Variants in SLIT3 observed in about 807,000 individuals in gnomAD.
SLIT3 encodes slit homolog 3 protein.
A neutral mutation model predicts 184.0 loss-of-function variants in SLIT3; 68 were observed. That is an observed-to-expected ratio of 0.37 (90% confidence interval 0.30 to 0.45). The LOEUF (loss-of-function observed/expected upper bound fraction) is 0.45. SLIT3 is among the 20% of genes least tolerant of loss of function. The pLI, the probability that SLIT3 is intolerant of heterozygous loss-of-function variation, is 1.00. For synonymous variants in SLIT3, 831 were observed against 828.6 expected (o/e 1.00, Z -0.05); for missense variants, 1,707 against 2,026.0 (o/e 0.84, Z 3.02).
rs554750646 is a variant in SLIT3, at chr5:168,664,590, C to A, written c.*1864G>T. On this transcript the variant is annotated 3_prime_UTR_variant, in exon 36 of 36. Transcript: ENST00000519560. ...TTCTTTCTCCCTTCATTATTCCCTG[C>A]GTCTTTGGCCCACCATTGGTACTCA... The A allele has an allele frequency of 1.3e-5, 2 of 152,136 alleles. No individual in the cohort carries two copies. The highest frequency in any genetic ancestry group is 1.5e-5 in the Non-Finnish European group (1 of 68,056). 9.4% of individuals were successfully genotyped at this position (152,136 alleles called of 1,614,324 possible). A position where few individuals can be genotyped will look rare whatever the true frequency, so the allele number is the denominator to read the frequency against.
chr5:168,872,377 A>T (rs1313232071), intron 5 of SLIT3, among the ~76,000 whole-genome samples: 1 of 152,110 alleles, frequency 6.6e-6, no homozygotes, highest in East Asian at 1.9e-4. Flanking sequence ...CAAACGGTGA[A>T]CTCTAATGTA....
intron 4 of SLIT3, among the ~76,000 whole-genome samples, chr5:169,120,951 A>G (rs1406232342): frequency 6.6e-6 from 1 of 152,118 alleles, no homozygotes; most frequent in Non-Finnish European, 1.5e-5. Flanking sequence ...TTCCTTGGTA[A>G]TTTATCATGA....
intron 4 of SLIT3, among the ~76,000 whole-genome samples, chr5:168,963,000 A>G (rs1296905582): frequency 2.0e-5 from 3 of 152,130 alleles, no homozygotes; most frequent in Non-Finnish European, 2.9e-5. Context: ...TGTTTCTTTT[A>G]TGGCAATGAT....
At chr5:169,183,352 G>T (rs1288442963) in intron 4 of SLIT3, among the ~76,000 whole-genome samples, 5 of 152,204 alleles carry the variant, frequency 3.3e-5, no homozygotes, top group Admixed American at 2.0e-4. Flanking sequence ...GTGCGAGGAG[G>T]TGAGCTTGTC....
chr5:169,229,126 T>C (rs1175073815), intron 3 of SLIT3, among the ~76,000 whole-genome samples: 2 of 152,030 alleles, frequency 1.3e-5, no homozygotes, highest in Admixed American at 1.3e-4. Flanking sequence ...CATAAGCATT[T>C]TGAGATTCAA....
At chr5:168,766,256 A>G (rs1165291345) in intron 14 of SLIT3, among the ~76,000 whole-genome samples, 3 of 152,210 alleles carry the variant, frequency 2.0e-5, no homozygotes, top group African/African-American at 7.2e-5. Flanking sequence ...CCCTATTCCC[A>G]ATATCCCTAA....
At chr5:169,149,783 A>C (rs966038983) in intron 4 of SLIT3, among the ~76,000 whole-genome samples, 1 of 152,214 alleles carries the variant, frequency 6.6e-6, no homozygotes, top group Non-Finnish European at 1.5e-5. Context: ...TGAGATGGTC[A>C]ATGTTAGCTG....
chr5:168,706,044 C>A (rs556516941), intron 26 of SLIT3, among the ~76,000 whole-genome samples: 2 of 152,298 alleles, frequency 1.3e-5, no homozygotes, highest in East Asian at 3.9e-4. Flanking sequence ...AGTCACAGTT[C>A]TAGGAGAATG....
intron 4 of SLIT3, among the ~76,000 whole-genome samples, chr5:168,929,769 A>C (rs1001304679): frequency 6.6e-6 from 1 of 152,234 alleles, no homozygotes; most frequent in African/African-American, 2.4e-5. Context: ...CAAATAGTTC[A>C]TACTGGCTCG....
chr5:169,084,132 T>C (rs894991098), intron 4 of SLIT3, among the ~76,000 whole-genome samples: 2 of 152,106 alleles, frequency 1.3e-5, no homozygotes, highest in African/African-American at 4.8e-5. Context: ...TATTAGAGAC[T>C]CCTAGACAAT....
intron 3 of SLIT3, among the ~76,000 whole-genome samples, chr5:169,195,549 C>T (rs560706312): frequency 5.3e-5 from 8 of 152,264 alleles, no homozygotes; most frequent in South Asian, 2.1e-4. Flanking sequence ...TTGTTTGAGA[C>T]GGAGTCTCGC....
intron 23 of SLIT3, chr5:168,719,940 G>A (rs1581001937): frequency 6.6e-6 from 1 of 152,070 alleles, no homozygotes; most frequent in Admixed American, 6.6e-5. Flanking sequence ...TTGAGACAGG[G>A]TCTGGCTCTA....
At chr5:168,680,029 T>C (rs1303894241) in intron 32 of SLIT3, among the ~76,000 whole-genome samples, 1 of 152,200 alleles carries the variant, frequency 6.6e-6, no homozygotes, top group African/African-American at 2.4e-5. Flanking sequence ...CTTAGATATC[T>C]CACATAGAAA....
chr5:168,891,496 C>T (rs1271141069), intron 4 of SLIT3, among the ~76,000 whole-genome samples: 4 of 152,272 alleles, frequency 2.6e-5, no homozygotes, highest in East Asian at 3.9e-4. Flanking sequence ...CCTGGTAAGG[C>T]CTCACAGACC....
chr5:169,248,180 C>A (rs559517783), intron 2 of SLIT3, among the ~76,000 whole-genome samples: 14 of 152,200 alleles, frequency 9.2e-5, no homozygotes, highest in African/African-American at 2.2e-4. Context: ...CAGTAGTGAC[C>A]CCGTTTTGAC....
At chr5:169,078,158 A>C (rs572378390) in intron 4 of SLIT3, among the ~76,000 whole-genome samples, 2 of 152,138 alleles carry the variant, frequency 1.3e-5, no homozygotes, top group Non-Finnish European at 2.9e-5. Context: ...CCACTGCTTC[A>C]ATTTCAACAC....
chr5:168,688,659 T>C (rs1052601753), intron 29 of SLIT3, among the ~76,000 whole-genome samples: 2 of 152,226 alleles, frequency 1.3e-5, no homozygotes, highest in Non-Finnish European at 2.9e-5. Context: ...TTTACTTGAT[T>C]GGCAAATTTG....
chr5:169,074,548 C>T (rs569817793), intron 4 of SLIT3, among the ~76,000 whole-genome samples: 1 of 152,286 alleles, frequency 6.6e-6, no homozygotes, highest in African/African-American at 2.4e-5. Flanking sequence ...CCATCAGAAA[C>T]CCAATTTTAC....
intron 29 of SLIT3, 30 bp downstream of exon 29, chr5:168,692,577 C>T: frequency 2.6e-6 from 4 of 1,527,950 alleles, no homozygotes; most frequent in Non-Finnish European, 3.6e-6. Context: ...TTCATGGACT[C>T]TGTGCTGGGG....
Sources: allele counts gnomAD v4.1 joint callset (sites outside exome capture counted in the v4.1 genomes callset), GRCh38; gene constraint gnomAD v4.1.1; transcripts MANE v1.5; gene names NCBI Gene and HGNC (gene_info 2026-07-23, HGNC 2026-07-21).